Variants in SLC25A13 observed in about 807,000 individuals in gnomAD.
SLC25A13 encodes solute carrier family 25 member 13.
Under a neutral mutation model 85.5 loss-of-function variants are expected in SLC25A13, and 70 were observed. That is an observed-to-expected ratio of 0.82 (90% CI 0.68 to 1.00). The LOEUF (loss-of-function observed/expected upper bound fraction) is 1.00. SLC25A13 is among the 50% of genes least tolerant of loss of function. SLC25A13 has a pLI of 0.00. For missense variants in SLC25A13, 765 were observed against 819.8 expected, an observed-to-expected ratio of 0.93 and a Z score of 0.82; for synonymous variants, 259 against 288.7, an observed-to-expected ratio of 0.90 and a Z score of 1.04.
At chr7:96,128,961 T>TCTCTCTCTCG (rs1791879895) in intron 15 of SLC25A13, among the ~76,000 whole-genome samples, 1 of 148,742 alleles carries the variant, frequency 6.7e-6, no homozygotes, top group Non-Finnish European at 1.5e-5. Context: ...TCTCTCTCTC[T>TCTCTCTCTCG]CTCTCTCTCT....
chr7:96,239,499 C>T (rs1436290948), intron 3 of SLC25A13, among the ~76,000 whole-genome samples: 1 of 152,034 alleles, frequency 6.6e-6, no homozygotes, highest in Non-Finnish European at 1.5e-5. Flanking sequence ...GGCTGGTGAA[C>T]TCACTTAGTT....
intron 1 of SLC25A13, among the ~76,000 whole-genome samples, chr7:96,304,360 A>G (rs1350900753): frequency 6.6e-6 from 1 of 152,194 alleles, no homozygotes; most frequent in African/African-American, 2.4e-5. Flanking sequence ...CAGAGGCACT[A>G]GAGATGTTTA....
At chr7:96,150,442 G>A (rs1401444096) in intron 13 of SLC25A13, among the ~76,000 whole-genome samples, 1 of 152,096 alleles carries the variant, frequency 6.6e-6, no homozygotes, top group Admixed American at 6.6e-5. Flanking sequence ...TTTTACATAA[G>A]AGGAAATTGA....
intron 1 of SLC25A13, among the ~76,000 whole-genome samples, chr7:96,311,025 T>C (rs1799927614): frequency 6.6e-6 from 1 of 152,212 alleles, no homozygotes; most frequent in Non-Finnish European, 1.5e-5. Flanking sequence ...AATTGAATTT[T>C]AATTGCCATT....
intron 11 of SLC25A13, among the ~76,000 whole-genome samples, chr7:96,183,220 C>A (rs1346479847): frequency 6.6e-6 from 1 of 152,154 alleles, no homozygotes; most frequent in East Asian, 1.9e-4. Flanking sequence ...ATAGGACCTG[C>A]AAAATGGAAC....
At chr7:96,220,610 T>C (rs1796084987) in intron 4 of SLC25A13, among the ~76,000 whole-genome samples, 1 of 152,224 alleles carries the variant, frequency 6.6e-6, no homozygotes, top group African/African-American at 2.4e-5. Context: ...AAGAATGGTA[T>C]AATTTTCCTA....
At chr7:96,209,032 T>C (rs1274225489) in intron 4 of SLC25A13, 55 bp from the exon 5 acceptor site, 2 of 1,564,856 alleles carry the variant, frequency 1.3e-6, no homozygotes, top group Non-Finnish European at 1.8e-6. Context: ...TTCTTTCTGA[T>C]AAAATCTGTT....
intron 2 of SLC25A13, among the ~76,000 whole-genome samples, chr7:96,287,192 G>A (rs1798924324): frequency 6.6e-6 from 1 of 152,140 alleles, no homozygotes; most frequent in Non-Finnish European, 1.5e-5. Flanking sequence ...TGGTAAACCT[G>A]ACATCCTTAG....
At chr7:96,187,738 C>T (rs1794692197) in intron 9 of SLC25A13, among the ~76,000 whole-genome samples, 1 of 152,120 alleles carries the variant, frequency 6.6e-6, no homozygotes, top group South Asian at 2.1e-4. Context: ...TGAGACAAAA[C>T]TCTGCTCCTT....
intron 1 of SLC25A13, among the ~76,000 whole-genome samples, chr7:96,304,165 C>T (rs1201198717): frequency 6.6e-6 from 1 of 152,150 alleles, no homozygotes. Flanking sequence ...GAAGAGCAGT[C>T]ATTATGGGAA....
intron 5 of SLC25A13, 135 bp from the exon 6 acceptor site, chr7:96,193,318 G>T (rs1794933192): frequency 9.9e-7 from 1 of 1,009,206 alleles, no homozygotes; most frequent in Non-Finnish European, 1.5e-6. Flanking sequence ...CTGCCTAATA[G>T]CACCACCAAG....
chr7:96,200,407 T>C (rs931191281), intron 5 of SLC25A13, among the ~76,000 whole-genome samples: 20 of 152,224 alleles, frequency 1.3e-4, no homozygotes, highest in Non-Finnish European at 2.8e-4. Flanking sequence ...TCATAATCTA[T>C]GCTAATTTGA....
At chr7:96,146,266 A>T (rs982655210) in intron 14 of SLC25A13, among the ~76,000 whole-genome samples, 1 of 152,124 alleles carries the variant, frequency 6.6e-6, no homozygotes, top group African/African-American at 2.4e-5. Context: ...AACAAATCCA[A>T]ATAAAATTCT....
At chr7:96,126,828 T>C (rs1439422145) in intron 15 of SLC25A13, among the ~76,000 whole-genome samples, 1 of 152,254 alleles carries the variant, frequency 6.6e-6, no homozygotes, top group Non-Finnish European at 1.5e-5. Flanking sequence ...ATGCTCAGTC[T>C]ATTGTCTTGA....
At chr7:96,246,212 A>G (rs1330123026) in intron 3 of SLC25A13, among the ~76,000 whole-genome samples, 1 of 152,232 alleles carries the variant, frequency 6.6e-6, no homozygotes, top group Non-Finnish European at 1.5e-5. Context: ...AGGGCTGAAA[A>G]GCACAAAAGT....
intron 11 of SLC25A13, among the ~76,000 whole-genome samples, chr7:96,179,087 A>G (rs1480835435): frequency 6.6e-6 from 1 of 152,226 alleles, no homozygotes; most frequent in Non-Finnish European, 1.5e-5. Flanking sequence ...GTTAAAACAT[A>G]AAATAAGTGA....
At chr7:96,161,801 G>C (rs531711568) in intron 13 of SLC25A13, among the ~76,000 whole-genome samples, 58 of 152,196 alleles carry the variant, frequency 3.8e-4, no homozygotes, top group African/African-American at 1.4e-3. Context: ...CTTTAATATG[G>C]TCTTACATTT....
chr7:96,293,366 T>C (rs889429352), intron 2 of SLC25A13, among the ~76,000 whole-genome samples: 7 of 152,170 alleles, frequency 4.6e-5, no homozygotes, highest in Admixed American at 6.5e-5. Flanking sequence ...GACACAGGCA[T>C]GGGCAAGGAC....
intron 2 of SLC25A13, among the ~76,000 whole-genome samples, chr7:96,289,479 G>A (rs548608822): frequency 2.0e-5 from 3 of 152,174 alleles, no homozygotes; most frequent in South Asian, 2.1e-4. Context: ...GAGGAAGTTC[G>A]AACCCAAAGC....
Sources: allele counts gnomAD v4.1 joint callset (sites outside exome capture counted in the v4.1 genomes callset), GRCh38; gene constraint gnomAD v4.1.1; transcripts MANE v1.5; gene names NCBI Gene and HGNC (gene_info 2026-07-23, HGNC 2026-07-21).